The following LRRC75B variants were observed in gnomAD, a reference collection of about 807,000 sequenced individuals.
LRRC75B encodes leucine-rich repeat-containing protein 75B.
Under a neutral mutation model 16.5 loss-of-function variants are expected in LRRC75B, and 20 were observed. The observed-to-expected ratio is 1.21, with a 90% CI of 0.85 to 1.76. LRRC75B has a LOEUF of 1.76. LRRC75B is among the 40% of genes most tolerant of loss of function. LRRC75B has a pLI of 0.00. For missense variants in LRRC75B, 406 were observed against 417.0 expected, an observed-to-expected ratio of 0.97 and a Z score of 0.23; for synonymous variants, 199 against 198.1, an observed-to-expected ratio of 1.00 and a Z score of -0.04.
chr22:24,585,962 G>A lies in LRRC75B; in HGVS notation c.872C>T (p.Ala291Val), dbSNP rs1041710545. 1.9e-6 allele frequency: 3 copies of A among 1,609,336 alleles called. No individual in the cohort carries two copies. The highest frequency in any genetic ancestry group is 2.5e-6 in the Non-Finnish European group (3 of 1,179,634). Reference protein sequence around the residue: ...DLEPEGSAAGATTPASTWDST... With the variant: ...DLEPEGSAAGVTTPASTWDST... ...GTCCCAGGTGGAGGCAGGGGTGGTG[G>A]CCCCGGCCGCACTGCCCTCAGGCTC... is the stretch of plus-strand genomic sequence containing the variant. The change falls in exon 4 of 4, where the codon GCC (alanine) becomes GTC (valine). Residue 291 changes from alanine (A) to valine (V), a missense_variant. Transcript: ENST00000318753.
rs1425292537 is a variant in LRRC75B at position 24,592,847 on chromosome 22, C to T, written c.177+16G>A. 1.6e-6 allele frequency: 2 copies of T among 1,274,644 alleles called. No homozygotes were observed. The highest frequency in any genetic ancestry group is 9.9e-7 in the Non-Finnish European group (1 of 1,009,776). 79.0% of individuals were successfully genotyped at this position (1,274,644 alleles called of 1,614,324 possible). The stretch of plus-strand genomic sequence containing the variant: ...CCCTGGCCGCCAGCCCAGGGGCGGA[C>T]GGCTCCTTCTCTCGCCTGGCGCAGG... On this transcript the variant is annotated intron_variant, in intron 1 of 3. Coordinates refer to ENST00000318753, the MANE Select transcript of LRRC75B (RefSeq NM_207644.3).
intron 2 of LRRC75B, chr22:24,588,643 C>T: frequency 8.8e-7 from 1 of 1,131,536 alleles, no homozygotes; most frequent in Non-Finnish European, 1.1e-6. Context: ...TATCAGCCGG[C>T]TGCCTGCCCA....
Position 24,585,960 on chromosome 22 carries a change from T to C in LRRC75B, c.874A>G (p.Thr292Ala). Residue 292 changes from threonine to alanine, a missense_variant, in exon 4 of 4, where the codon ACC becomes GCC. Coordinates refer to ENST00000318753, the MANE Select transcript of LRRC75B (RefSeq NM_207644.3). ...LEPEGSAAGA[T>A]TPASTWDSTA... is the part of the protein sequence containing the mutation. Reference sequence around the variant, plus strand: ...GAGTCCCAGGTGGAGGCAGGGGTGGTGGCCCCGGCCGCACTGCCCTCAGGC... The same window carrying C: ...GAGTCCCAGGTGGAGGCAGGGGTGGCGGCCCCGGCCGCACTGCCCTCAGGC... The C allele has an allele frequency of 6.2e-7, 1 of 1,609,488 alleles. No homozygotes were observed. Among genetic ancestry groups the C allele is most frequent in the Non-Finnish European group, 8.5e-7 (1 of 1,179,590 alleles).
chr22:24,589,726 A>T, intron 2 of LRRC75B, 95 bp downstream of exon 2: 1 of 1,394,568 alleles, frequency 7.2e-7, no homozygotes, highest in Non-Finnish European at 9.5e-7. Flanking sequence ...AGCAAGCCGC[A>T]GAAGGACCTA....
At chr22:24,587,725 C>G (rs773439179) in intron 3 of LRRC75B, among the ~76,000 whole-genome samples, 2 of 152,204 alleles carry the variant, frequency 1.3e-5, no homozygotes, top group Non-Finnish European at 2.9e-5. Context: ...TTTAGGCAGC[C>G]TGGCAGTGGC....
In LRRC75B at chr22:24,586,026, G is replaced by A. The variant is rs774470745; in HGVS notation, c.808C>T (p.Arg270Cys). ...LVGLRRRLSQRTSLPTIYEGL... is the reference protein window; with the variant it reads ...LVGLRRRLSQCTSLPTIYEGL... ...TCGTAGATGGTGGGGAGTGAGGTGC[G>A]CTGGCTCAGCCGCCGGCGCAGGCCG... Residue 270 changes from arginine (R) to cysteine (C), a missense_variant, in exon 4 of 4, where the codon CGC becomes TGC. Coordinates refer to ENST00000318753, the MANE Select transcript of LRRC75B (RefSeq NM_207644.3). The A allele has an allele frequency of 1.1e-5, 18 of 1,610,834 alleles. No homozygotes were observed. In the Admixed American group the frequency reaches 2.2e-4, roughly 19 times the overall value.
At position 24,585,835 on chromosome 22, in the gene LRRC75B, T is replaced by C. The variant is rs2045376506; in HGVS notation, c.*51A>G. On this transcript the variant is annotated 3_prime_UTR_variant, in exon 4 of 4. Coordinates refer to ENST00000318753, the MANE Select transcript of LRRC75B (RefSeq NM_207644.3). Reference sequence around the variant, plus strand: ...CCTTGACCTTCATCGCCCACTATCATGTGCTTGAGAGCATCACAAGTCAGT... The same window carrying C: ...CCTTGACCTTCATCGCCCACTATCACGTGCTTGAGAGCATCACAAGTCAGT... 6.8e-7 allele frequency: 1 copy of C among 1,477,282 alleles called. No individual in the cohort carries two copies. Among genetic ancestry groups the C allele is most frequent in the Non-Finnish European group, 9.0e-7 (1 of 1,109,318 alleles). 91.5% of individuals were successfully genotyped at this position (1,477,282 alleles called of 1,614,324 possible).
At chr22:24,588,504 C>T in intron 2 of LRRC75B, 175 bp from the exon 3 acceptor site, 1 of 760,864 alleles carries the variant, frequency 1.3e-6, no homozygotes, top group Non-Finnish European at 2.1e-6. Flanking sequence ...TGTGGCCTGG[C>T]ACAGAGCCAG....
intron 2 of LRRC75B, 84 bp from the exon 3 acceptor site, chr22:24,588,413 AGT>A: frequency 1.1e-5 from 12 of 1,079,670 alleles, no homozygotes; most frequent in Non-Finnish European, 1.5e-5. Flanking sequence ...CAGGCAGCCA[AGT>A]GTGTGTGTGA....
At chr22:24,592,570 C>T in intron 1 of LRRC75B, 1 of 464,326 alleles carries the variant, frequency 2.2e-6, no homozygotes, top group Non-Finnish European at 4.0e-6. Context: ...CCTCAACACA[C>T]ACAACCCCTC....
intron 1 of LRRC75B, chr22:24,592,150 T>C: frequency 2.6e-6 from 1 of 389,554 alleles, no homozygotes. Flanking sequence ...GGAAGTGGCA[T>C]GCCCAGGTGA....
rs1162816523 is a variant in LRRC75B at position 24,585,884 on chromosome 22, G to A, written c.*2C>T. ...GTAGCAATGAGCCAGGTGGGTGGTG[G>A]GTCACCTGGCACAGCAGGCCTGGGG... On this transcript the variant is annotated 3_prime_UTR_variant, in exon 4 of 4. Coordinates refer to ENST00000318753, the MANE Select transcript of LRRC75B (RefSeq NM_207644.3). 2 of 1,575,160 alleles carry A rather than the reference G, an allele frequency of 1.3e-6. No homozygotes were observed. Among genetic ancestry groups the A allele is most frequent in the Admixed American group, 1.8e-5 (1 of 55,294 alleles).
chr22:24,589,558 G>A, intron 2 of LRRC75B: 1 of 470,340 alleles, frequency 2.1e-6, no homozygotes. Context: ...GGGCCCCCAG[G>A]CCTGGTGCAC....
Position 24,586,066 on chromosome 22 carries a change from G to A in LRRC75B, c.768C>T (p.Pro256=), listed in dbSNP as rs781103130. 2 of 1,612,096 alleles carry A rather than the reference G, an allele frequency of 1.2e-6. No homozygotes were observed. The highest frequency in any genetic ancestry group is 1.3e-5 in the African/African-American group (1 of 75,076). Reference sequence around the variant, plus strand: ...GGCGCAGGCCGACCAGCAGGGGCTGGGGCAGGGAAGCCACATCCACGTTGT... The same window carrying A: ...GGCGCAGGCCGACCAGCAGGGGCTGAGGCAGGGAAGCCACATCCACGTTGT... ...LGNNVDVASL[P]QPLLVGLRRR... is the part of the protein sequence containing the mutation. The change falls in exon 4 of 4, where the codon CCC becomes CCT. Residue 256 remains proline, a synonymous_variant. Transcript: ENST00000318753.
At chr22:24,591,214 G>A (rs1261754857) in intron 1 of LRRC75B, among the ~76,000 whole-genome samples, 1 of 152,238 alleles carries the variant, frequency 6.6e-6, no homozygotes, top group Non-Finnish European at 1.5e-5. Flanking sequence ...TGAGTAGCTG[G>A]GATTGCAGGC....
rs759902284 is a variant in LRRC75B at position 24,588,262 on chromosome 22, G to T, written c.374C>A (p.Ser125Ter). The change falls in exon 3 of 4, where the codon TCG becomes TAG. Residue 125 changes from serine (S) to a stop codon, truncating the protein, a stop_gained. Transcript: ENST00000318753. LOFTEE classifies it low-confidence loss of function (END_TRUNC). ...RQLIYHLTPHSKQQQGSSLRQ... is the reference protein window; with the variant it reads ...RQLIYHLTPH ...CAGGCTGGACCCTTGCTGCTGCTTC[G>T]AGTGAGGGGTGAGGTGGTAGATGAG... 19 of 1,613,516 alleles carry T rather than the reference G, an allele frequency of 1.2e-5. No homozygotes were observed. Among genetic ancestry groups the T allele is most frequent in the Non-Finnish European group, 1.6e-5 (19 of 1,179,922 alleles).
chr22:24,589,768 GCC>G (rs56017319), intron 2 of LRRC75B, 51 bp downstream of exon 2: 411,744 of 1,544,142 alleles, frequency 0.27, 59,577 homozygotes, highest in African/African-American at 0.56. Context: ...GGCTCTGTTG[GCC>G]CCCCTGTCCA....
chr22:24,585,694 G>T lies in LRRC75B; in HGVS notation c.*192C>A, dbSNP rs551110199. On this transcript the variant is annotated 3_prime_UTR_variant, in exon 4 of 4. Coordinates refer to ENST00000318753, the MANE Select transcript of LRRC75B (RefSeq NM_207644.3). ...TGGGTGCTGGGGCCCCTCCCACTGAGGGAAGGCTGAGCCTCTAGCCAGGGC... is the reference window on the plus strand; with the variant it reads ...TGGGTGCTGGGGCCCCTCCCACTGATGGAAGGCTGAGCCTCTAGCCAGGGC... The T allele has an allele frequency of 8.1e-5, 53 of 655,332 alleles. No homozygotes were observed. The African/African-American group carries it at 9.1e-4, about 11-fold the overall frequency. The allele number at this position is 655,332 out of a possible 1,614,324, so 40.6% of individuals were successfully genotyped here.
chr22:24,585,761 A>C lies in LRRC75B; in HGVS notation c.*125T>G. On this transcript the variant is annotated 3_prime_UTR_variant, in exon 4 of 4. Coordinates refer to ENST00000318753, the MANE Select transcript of LRRC75B (RefSeq NM_207644.3). The stretch of plus-strand genomic sequence containing the variant: ...TATGAGTCCATTCTTCTGTCCCCTT[A>C]ATCTCAGGCTGAGCATTTACACTGG... 9.6e-7 allele frequency: 1 copy of C among 1,042,788 alleles called. No individual in the cohort carries two copies. Among genetic ancestry groups the C allele is most frequent in the Non-Finnish European group, 1.4e-6 (1 of 740,516 alleles). The allele number at this position is 1,042,788 out of a possible 1,614,324, so 64.6% of individuals were successfully genotyped here.
Sources: gnomAD v4.1 joint callset for allele counts (sites outside exome capture counted in the v4.1 genomes callset) on GRCh38, gnomAD v4.1.1 for gene constraint, MANE v1.5 for transcripts, NCBI Gene and HGNC (gene_info 2026-07-23, HGNC 2026-07-21) for gene names.